NUBPL: variants seen among roughly 807,000 people sequenced by gnomAD.
NUBPL encodes the protein iron-sulfur cluster transfer protein NUBPL.
Under a neutral mutation model 45.7 loss-of-function variants are expected in NUBPL, and 31 were observed. That is an observed-to-expected ratio of 0.68 (90% CI 0.51 to 0.92). The LOEUF (loss-of-function observed/expected upper bound fraction) is 0.92. Among genes scored for constraint, NUBPL ranks in the 40% least tolerant of loss-of-function variants. The pLI is 0.00. For synonymous variants in NUBPL, 144 were observed against 140.9 expected (o/e 1.02, Z -0.15); for missense variants, 401 against 398.7 (o/e 1.01, Z -0.05).
intron 3 of NUBPL, among the ~76,000 whole-genome samples, chr14:31,568,880 C>T (rs1400927872): frequency 3.3e-5 from 5 of 152,106 alleles, no homozygotes; most frequent in African/African-American, 1.2e-4. Context: ...ATTGCGTAAG[C>T]CCTGGGGAGA....
At chr14:31,784,838 G>A (rs1038798012) in intron 6 of NUBPL, among the ~76,000 whole-genome samples, 1 of 152,188 alleles carries the variant, frequency 6.6e-6, no homozygotes, top group African/African-American at 2.4e-5. Context: ...AGATACTGAG[G>A]AATGTTTTGA....
chr14:31,763,889 C>T (rs2038863824), intron 6 of NUBPL, among the ~76,000 whole-genome samples: 1 of 152,220 alleles, frequency 6.6e-6, no homozygotes, highest in Non-Finnish European at 1.5e-5. Context: ...AACAGTCCAA[C>T]TGATAATAAA....
At chr14:31,726,207 T>A (rs1034733131) in intron 6 of NUBPL, among the ~76,000 whole-genome samples, 1 of 152,212 alleles carries the variant, frequency 6.6e-6, no homozygotes, top group Non-Finnish European at 1.5e-5. Flanking sequence ...TTTGTACTCC[T>A]TTCCTTCCAG....
chr14:31,821,825 A>AT (rs2138950936), intron 7 of NUBPL, among the ~76,000 whole-genome samples: 1 of 152,352 alleles, frequency 6.6e-6, no homozygotes, highest in South Asian at 2.1e-4. Flanking sequence ...AAAATGTGTT[A>AT]TTTATACACA....
chr14:31,820,578 C>T (rs960007874), intron 7 of NUBPL, among the ~76,000 whole-genome samples: 3 of 152,094 alleles, frequency 2.0e-5, no homozygotes, highest in African/African-American at 7.2e-5. Flanking sequence ...AATCCCAGCA[C>T]ATTGGGAGGC....
At chr14:31,588,030 T>G (rs1016503738) in intron 3 of NUBPL, among the ~76,000 whole-genome samples, 4 of 152,218 alleles carry the variant, frequency 2.6e-5, no homozygotes, top group Admixed American at 2.0e-4. Flanking sequence ...AGAAAGATGC[T>G]AACATTGAGT....
At chr14:31,631,357 A>T (rs1278734951) in intron 4 of NUBPL, among the ~76,000 whole-genome samples, 3 of 151,898 alleles carry the variant, frequency 2.0e-5, no homozygotes, top group Non-Finnish European at 4.4e-5. Context: ...TCTCTACACC[A>T]CTAAAAAGTC....
At chr14:31,629,594 G>C (rs903434027) in intron 4 of NUBPL, among the ~76,000 whole-genome samples, 4 of 152,110 alleles carry the variant, frequency 2.6e-5, no homozygotes, top group African/African-American at 9.7e-5. Context: ...TAAACACACA[G>C]ATATAGCAGT....
At chr14:31,652,190 A>G (rs1447923132) in intron 4 of NUBPL, among the ~76,000 whole-genome samples, 3 of 152,218 alleles carry the variant, frequency 2.0e-5, no homozygotes, top group African/African-American at 4.8e-5. Flanking sequence ...TGAAATAGCC[A>G]GGCATAGAAA....
intron 6 of NUBPL, among the ~76,000 whole-genome samples, chr14:31,780,643 A>G (rs189787962): frequency 6.6e-6 from 1 of 152,204 alleles, no homozygotes; most frequent in Admixed American, 6.5e-5. Context: ...AACTTCAAGT[A>G]GTTTTGTTTT....
chr14:31,712,129 G>A (rs1050492912), intron 6 of NUBPL, among the ~76,000 whole-genome samples: 3 of 152,148 alleles, frequency 2.0e-5, no homozygotes, highest in Non-Finnish European at 4.4e-5. Context: ...TCCCTTATCT[G>A]GCCCCACCCA....
At position 31,826,661 on chromosome 14, in the gene NUBPL, G is replaced by A. The variant is rs749762773; in HGVS notation, c.640G>A (p.Ala214Thr). Residue 214 changes from alanine to threonine, a missense_variant, in exon 8 of 11, where the codon GCA (alanine) becomes ACA (threonine). Coordinates refer to ENST00000281081, the MANE Select transcript of NUBPL (RefSeq NM_025152.3). The part of the protein sequence containing the change: ...AVIVSTPQDI[A>T]LMDAHKGAEM... ...GATTGTCTCCACGCCCCAGGACATC[G>A]CATTGATGGATGCACACAAGGGTGC... 19 of 1,614,000 alleles carry A rather than the reference G, an allele frequency of 1.2e-5. No individual in the cohort carries two copies. The highest frequency in any genetic ancestry group is 5.5e-5 in the South Asian group (5 of 91,084).
At chr14:31,710,240 G>A (rs970745724) in intron 6 of NUBPL, among the ~76,000 whole-genome samples, 5 of 152,126 alleles carry the variant, frequency 3.3e-5, no homozygotes, top group African/African-American at 1.2e-4. Flanking sequence ...CTATCTGAAT[G>A]ACAAAACCGC....
chr14:31,834,284 A>C lies in NUBPL; in HGVS notation c.693+7570A>C, dbSNP rs530537570. Among the ~76,000 whole-genome samples, 15 of 150,234 alleles carry C rather than the reference A, an allele frequency of 1.0e-4. 1 individual carries two copies. The highest frequency in any genetic ancestry group is 8.4e-4 in the South Asian group (4 of 4,740). On this transcript the variant is annotated intron_variant, in intron 8 of 10. Transcript: ENST00000281081. Reference sequence around the variant, plus strand: ...CAACCTCCGCCTCCTGGGTTCAAGCAATTCTCCTGCCTCAGCCTCCTGAGT... The same window carrying C: ...CAACCTCCGCCTCCTGGGTTCAAGCCATTCTCCTGCCTCAGCCTCCTGAGT...
rs7342508 is a variant in NUBPL at position 31,688,524 on chromosome 14, G to A, written c.513+14950G>A. Among the ~76,000 whole-genome samples, 326 of 149,002 alleles carry A rather than the reference G, an allele frequency of 2.2e-3. 3 individuals are homozygous for A. Among genetic ancestry groups the A allele is most frequent in the African/African-American group, 7.6e-3 (302 of 39,960 alleles). ...CCTAGAAGGCCGAGGAGGTTGCAGT[G>A]AGCTGAGATTGCGCCATTGCACTCC... On this transcript the variant is annotated intron_variant, in intron 6 of 10. Coordinates refer to ENST00000281081, the MANE Select transcript of NUBPL (RefSeq NM_025152.3).
rs193061746 is a variant in NUBPL at position 31,708,650 on chromosome 14, G to T, written c.513+35076G>T. ...CCTTGAGGACAGTCGTCCAGGACAGGAGATTAACAATGAGAAGGCTGCGCC... is the reference window on the plus strand; with the variant it reads ...CCTTGAGGACAGTCGTCCAGGACAGTAGATTAACAATGAGAAGGCTGCGCC... On this transcript the variant is annotated intron_variant, in intron 6 of 10. Transcript: ENST00000281081. Among the ~76,000 whole-genome samples the T allele has an allele frequency of 8.5e-3, 1,299 of 152,340 alleles. 12 individuals carry two copies. The highest frequency in any genetic ancestry group is 0.014 in the Non-Finnish European group (985 of 68,040).
At chr14:31,653,963 A>T (rs78164062) in intron 4 of NUBPL, 55 of 352,358 alleles carry the variant, frequency 1.6e-4, no homozygotes, top group African/African-American at 1.1e-3. Context: ...TTGTGTGGTT[A>T]GTATCTGTCT....
chr14:31,695,751 T>G (rs1216799733), intron 6 of NUBPL, among the ~76,000 whole-genome samples: 1 of 152,094 alleles, frequency 6.6e-6, no homozygotes, highest in Non-Finnish European at 1.5e-5. Context: ...TCCAGAACCA[T>G]GAGGTAAATA....
chr14:31,768,430 C>T (rs961638937), intron 6 of NUBPL, among the ~76,000 whole-genome samples: 1 of 152,212 alleles, frequency 6.6e-6, no homozygotes, highest in African/African-American at 2.4e-5. Context: ...CAAGAGCTCT[C>T]ATTTTGAAAT....
Sources: allele counts gnomAD v4.1 joint callset (sites outside exome capture counted in the v4.1 genomes callset), GRCh38; gene constraint gnomAD v4.1.1; transcripts MANE v1.5; gene names NCBI Gene and HGNC (gene_info 2026-07-23, HGNC 2026-07-21).